TTC7A: variants seen among roughly 807,000 people sequenced by gnomAD.
The protein encoded by TTC7A is tetratricopeptide repeat protein 7A.
In TTC7A, 110 loss-of-function variants were observed where a neutral mutation model predicts 103.7. The observed-to-expected ratio is 1.06, with a 90% confidence interval of 0.91 to 1.24. The LOEUF (loss-of-function observed/expected upper bound fraction) is 1.24, where lower values mean the gene tolerates loss of function less well. TTC7A is among the 50% of genes most tolerant of loss of function. The probability of loss-of-function intolerance (pLI) is 0.00; values close to 1 mark genes in which losing one functional copy is unlikely to be tolerated. For missense variants in TTC7A, 1,340 were observed against 1,116.3 expected, an observed-to-expected ratio of 1.20 and a Z score of -2.86; for synonymous variants, 521 against 467.9, an observed-to-expected ratio of 1.11 and a Z score of -1.47.
intron 2 of TTC7A, among the ~76,000 whole-genome samples, chr2:46,935,687 C>T (rs12990116): frequency 0.048 from 7,344 of 152,290 alleles, 204 homozygotes; most frequent in Middle Eastern, 0.089. Flanking sequence ...ACCCCTGACT[C>T]GGAAACAGGG....
chr2:46,993,520 T>C lies in TTC7A; in HGVS notation c.835T>C (p.Phe279Leu). ...RTVETKATQN[F>L]KVMAAKHLAG... is the part of the protein sequence containing the mutation. ...TGTGGAGACCAAAGCAACTCAGAAC[T>C]TCAAAGTGGTAATGTGGGGTGCTGG... The change falls in exon 6 of 20, where the codon TTC becomes CTC. Residue 279 changes from phenylalanine (F) to leucine (L), a missense_variant. Transcript: ENST00000319190. 1.9e-6 allele frequency: 3 copies of C among 1,614,042 alleles called. No individual in the cohort carries two copies. Among genetic ancestry groups the C allele is most frequent in the Non-Finnish European group, 2.5e-6 (3 of 1,179,988 alleles).
At chr2:46,958,204 C>G (rs912965786) in intron 3 of TTC7A, among the ~76,000 whole-genome samples, 2 of 152,210 alleles carry the variant, frequency 1.3e-5, no homozygotes, top group Admixed American at 1.3e-4. Flanking sequence ...CACCCAAGAT[C>G]CTTGGATCCC....
chr2:46,946,226 C>T (rs1670926410), intron 1 of TTC7A, among the ~76,000 whole-genome samples: 1 of 152,106 alleles, frequency 6.6e-6, no homozygotes, highest in Admixed American at 6.5e-5. Flanking sequence ...GCTGCAGAAT[C>T]AGCACCCAGA....
chr2:46,979,529 C>T (rs1674228121), intron 5 of TTC7A, among the ~76,000 whole-genome samples: 1 of 152,190 alleles, frequency 6.6e-6, no homozygotes, highest in South Asian at 2.1e-4. Flanking sequence ...ACCATAGTGC[C>T]TGGAATGCCT....
chr2:47,008,033 A>G lies in TTC7A; in HGVS notation c.1287+1309A>G, dbSNP rs536216337. ...ACGAGCTGGCCGTGGGGATGGGGAC[A>G]GGAAGGTGTTGAAGGCACCGGTCAG... is the stretch of plus-strand genomic sequence containing the variant. On this transcript the variant is annotated intron_variant, in intron 10 of 19. Transcript: ENST00000319190. Among the ~76,000 whole-genome samples the G allele has an allele frequency of 2.0e-5, 3 of 152,340 alleles. No homozygotes were observed. In the East Asian group the frequency reaches 5.8e-4, roughly 29 times the overall value.
At chr2:46,982,475 C>CTG (rs1272358997) in intron 5 of TTC7A, among the ~76,000 whole-genome samples, 1 of 152,230 alleles carries the variant, frequency 6.6e-6, no homozygotes, top group Non-Finnish European at 1.5e-5. Flanking sequence ...AGAACCACAG[C>CTG]TGTGAAGTCA....
chr2:47,017,383 A>G (rs1678783487), intron 11 of TTC7A, among the ~76,000 whole-genome samples: 1 of 151,700 alleles, frequency 6.6e-6, no homozygotes, highest in Non-Finnish European at 1.5e-5. Flanking sequence ...TAAAAAGGTA[A>G]AAAGTCAGCC....
chr2:47,006,556 T>C (rs1174182889), intron 9 of TTC7A, 85 bp from the exon 10 acceptor site: 5 of 1,238,460 alleles, frequency 4.0e-6, no homozygotes, highest in Non-Finnish European at 5.9e-6. Context: ...AGCGGTGACT[T>C]GGGCAGTAAC....
rs141473010 is a variant in TTC7A, at chr2:47,075,045, G to C, written c.*1122G>C. On this transcript the variant is annotated 3_prime_UTR_variant, in exon 20 of 20. Coordinates refer to ENST00000319190, the MANE Select transcript of TTC7A (RefSeq NM_020458.4). ...TTCAAAGCTCCATCAGGTACAGCTT[G>C]CATTTCAGGATGTGTGGAAAGCTCG... 6.6e-6 allele frequency: 1 copy of C among 152,264 alleles called. No homozygotes were observed. The highest frequency in any genetic ancestry group is 6.5e-5 in the Admixed American group (1 of 15,286). The allele number at this position is 152,264 out of a possible 1,614,324, so 9.4% of individuals were successfully genotyped here.
chr2:47,041,217 G>T (rs185799811), intron 15 of TTC7A, among the ~76,000 whole-genome samples: 114 of 152,306 alleles, frequency 7.5e-4, no homozygotes, highest in African/African-American at 2.6e-3. Flanking sequence ...CGCTCTGCTT[G>T]TCAGCTGTGG....
At chr2:47,013,144 G>A (rs1678259301) in intron 11 of TTC7A, among the ~76,000 whole-genome samples, 1 of 152,174 alleles carries the variant, frequency 6.6e-6, no homozygotes, top group African/African-American at 2.4e-5. Context: ...GGACGGGTCA[G>A]GGAGGCATCA....
chr2:46,940,239 C>T (rs1449672489), upstream of TTC7A, among the ~76,000 whole-genome samples: 1 of 152,130 alleles, frequency 6.6e-6, no homozygotes, highest in Admixed American at 6.5e-5. This position sits in a 1 kb window ranked among gnomAD's most constrained non-coding sequence, Gnocchi z 4.7. Flanking sequence ...CGTGGAGCAC[C>T]TTCTAACTCT....
chr2:46,934,683 TCAAAAA>T (rs1231035055), intron 2 of TTC7A, among the ~76,000 whole-genome samples: 1 of 149,646 alleles, frequency 6.7e-6, no homozygotes, highest in Non-Finnish European at 1.5e-5. Flanking sequence ...AGACTCTGTC[TCAAAAA>T]CAAAAACAAA....
intron 15 of TTC7A, among the ~76,000 whole-genome samples, chr2:47,043,622 G>T (rs1306079740): frequency 6.6e-6 from 1 of 152,160 alleles, no homozygotes; most frequent in East Asian, 1.9e-4. Context: ...GTTCTTTGTG[G>T]AAGAAAATCC....
In TTC7A at chr2:46,978,774, C is replaced by G. The variant is rs775790291; in HGVS notation, c.649-18C>G. The G allele has an allele frequency of 1.1e-5, 18 of 1,607,970 alleles. No individual in the cohort carries two copies. In the East Asian group the frequency reaches 3.8e-4, roughly 34 times the overall value. On this transcript the variant is annotated intron_variant, in intron 4 of 19. Transcript: ENST00000319190. ...CAGAACTTTGAGACAATGGCTCTCT[C>G]TCTGTTTCCCTTCCCAGACCACAAA...
intron 15 of TTC7A, among the ~76,000 whole-genome samples, chr2:47,032,767 G>A (rs1363535108): frequency 6.7e-6 from 1 of 149,902 alleles, no homozygotes; most frequent in Non-Finnish European, 1.5e-5. Flanking sequence ...TGATCCAGCT[G>A]GCCCTAAAAG....
chr2:47,052,024 T>A, intron 18 of TTC7A, 144 bp downstream of exon 18: 1 of 1,085,528 alleles, frequency 9.2e-7, no homozygotes, highest in Non-Finnish European at 1.3e-6. Flanking sequence ...CCTCTGGCTG[T>A]GGGTCTCCTT....
chr2:47,021,936 C>A lies in TTC7A; in HGVS notation c.1467C>A (p.Gly489=). The change falls in exon 12 of 20, where the codon GGC becomes GGA. Residue 489 remains glycine (G), a synonymous_variant. Transcript: ENST00000319190. ...GEEAGEFLPK[G]YLALGLTYSL... is the part of the protein sequence containing the mutation. ...AAGCCGGGGAGTTCCTCCCCAAGGGCTACCTGGCTCTGGGTCTCACCTATA... is the reference window on the plus strand; with the variant it reads ...AAGCCGGGGAGTTCCTCCCCAAGGGATACCTGGCTCTGGGTCTCACCTATA... The A allele has an allele frequency of 1.9e-6, 3 of 1,614,126 alleles. No homozygotes were observed. Among genetic ancestry groups the A allele is most frequent in the Non-Finnish European group, 2.5e-6 (3 of 1,179,960 alleles).
intron 19 of TTC7A, among the ~76,000 whole-genome samples, chr2:47,066,786 G>A (rs148194315): frequency 6.6e-4 from 101 of 152,278 alleles, no homozygotes; most frequent in African/African-American, 2.4e-3. Flanking sequence ...GAACTCCTGG[G>A]CTCAAGGAAT....
Sources: gnomAD v4.1 joint callset for allele counts (sites outside exome capture counted in the v4.1 genomes callset) on GRCh38, gnomAD v4.1.1 for gene constraint, Gnocchi (gnomAD v3.1) non-coding constraint, MANE v1.5 for transcripts, NCBI Gene and HGNC (gene_info 2026-07-23, HGNC 2026-07-21) for gene names.